MET: variants seen among roughly 807,000 people sequenced by gnomAD.
MET encodes the protein hepatocyte growth factor receptor.
A neutral mutation model predicts 133.1 loss-of-function variants in MET; 48 were observed. That is an observed-to-expected ratio of 0.36 (90% CI 0.29 to 0.46). MET has a LOEUF of 0.46. MET is among the 20% of genes least tolerant of loss of function. MET has a pLI of 1.00. For synonymous variants in MET, 628 were observed against 616.5 expected (o/e 1.02, Z -0.28); for missense variants, 1,442 against 1,695.9 (o/e 0.85, Z 2.63).
intron 1 of MET, among the ~76,000 whole-genome samples, chr7:116,694,901 G>A (rs1796909078): frequency 6.6e-6 from 1 of 152,006 alleles, no homozygotes; most frequent in African/African-American, 2.4e-5. Flanking sequence ...TGGCCAGGAT[G>A]GTTGTGATCT....
At chr7:116,778,228 G>A (rs1370520372) in intron 16 of MET, among the ~76,000 whole-genome samples, 1 of 152,168 alleles carries the variant, frequency 6.6e-6, no homozygotes, top group Admixed American at 6.5e-5. Context: ...TGTGTTGACA[G>A]GTCTCACATG....
intron 3 of MET, among the ~76,000 whole-genome samples, chr7:116,734,310 C>A (rs1793132456): frequency 6.6e-6 from 1 of 152,208 alleles, no homozygotes; most frequent in Non-Finnish European, 1.5e-5. Flanking sequence ...AGCCTAATGG[C>A]AAAGTTGCTT....
intron 10 of MET, among the ~76,000 whole-genome samples, chr7:116,760,026 C>G (rs1160652485): frequency 6.6e-6 from 1 of 152,212 alleles, no homozygotes; most frequent in Non-Finnish European, 1.5e-5. Context: ...ATCTGCCCAC[C>G]TCGGCCTCCC....
At chr7:116,741,180 C>A in intron 5 of MET, 155 bp downstream of exon 5, 1 of 843,702 alleles carries the variant, frequency 1.2e-6, no homozygotes, top group Non-Finnish European at 1.8e-6. Context: ...GAGTCATCAG[C>A]TAAAGCACCA....
In MET at chr7:116,783,478, T is replaced by C. The variant is rs781051400; in HGVS notation, c.3798+9T>C. 3.7e-6 allele frequency: 6 copies of C among 1,614,094 alleles called. No individual in the cohort carries two copies. The South Asian group carries it at 6.6e-5, about 18-fold the overall frequency. On this transcript the variant is annotated intron_variant, in intron 19 of 20. Coordinates refer to ENST00000397752, the MANE Select transcript of MET (RefSeq NM_000245.4). ...CCACCAAGTCAGATGTGGTAATGTA[T>C]TGGTTATCTCTGAGTTTCTCCTCTT...
chr7:116,714,778 G>A (rs937055013), intron 2 of MET, among the ~76,000 whole-genome samples: 3 of 120,906 alleles, frequency 2.5e-5, no homozygotes, highest in Non-Finnish European at 5.5e-5. Flanking sequence ...CACACACACA[G>A]GCCACAGGGA....
intron 19 of MET, among the ~76,000 whole-genome samples, chr7:116,793,987 T>G (rs969417141): frequency 6.6e-6 from 1 of 152,026 alleles, no homozygotes; most frequent in Non-Finnish European, 1.5e-5. Flanking sequence ...TGCCCTCATA[T>G]TACCTGCACC....
chr7:116,769,917 A>G (rs1794778844), intron 12 of MET, 126 bp downstream of exon 12: 1 of 1,312,970 alleles, frequency 7.6e-7, no homozygotes, highest in Non-Finnish European at 1.1e-6. Flanking sequence ...CTCAGCCTGC[A>G]TTCCTAGTTG....
At chr7:116,714,625 CA>C (rs763805848) in intron 2 of MET, among the ~76,000 whole-genome samples, 75 of 152,126 alleles carry the variant, frequency 4.9e-4, no homozygotes, top group Non-Finnish European at 9.3e-4. Context: ...AGGCTAGACC[CA>C]AGGTAGAAGC....
intron 19 of MET, among the ~76,000 whole-genome samples, chr7:116,787,462 G>A: frequency 6.6e-6 from 1 of 152,190 alleles, no homozygotes; most frequent in Admixed American, 6.5e-5. Flanking sequence ...CCAAGATCAA[G>A]GGGCCACATG....
At chr7:116,688,167 A>C (rs1178659147) in intron 1 of MET, among the ~76,000 whole-genome samples, 1 of 152,000 alleles carries the variant, frequency 6.6e-6, no homozygotes, top group Non-Finnish European at 1.5e-5. Context: ...CATTCTGACT[A>C]TTCAGTCGGT....
intron 2 of MET, among the ~76,000 whole-genome samples, chr7:116,727,083 TA>T (rs1792822160): frequency 6.6e-6 from 1 of 152,180 alleles, no homozygotes; most frequent in Admixed American, 6.5e-5. Context: ...CAAGGAGAGC[TA>T]GGTTTGAGAG....
intron 19 of MET, among the ~76,000 whole-genome samples, chr7:116,790,572 T>C (rs925519668): frequency 1.3e-5 from 2 of 152,250 alleles, no homozygotes; most frequent in African/African-American, 4.8e-5. Context: ...GCAGTGGCCA[T>C]GGATGTAAAA....
At chr7:116,790,736 T>A (rs549552612) in intron 19 of MET, among the ~76,000 whole-genome samples, 1 of 152,336 alleles carries the variant, frequency 6.6e-6, no homozygotes, top group Admixed American at 6.5e-5. Flanking sequence ...TTGAGTAGTA[T>A]TCCATCGTAC....
At chr7:116,789,725 G>T (rs1468784627) in intron 19 of MET, among the ~76,000 whole-genome samples, 2 of 152,144 alleles carry the variant, frequency 1.3e-5, no homozygotes, top group African/African-American at 2.4e-5. Flanking sequence ...CATCCATGTT[G>T]TCGTATCAGT....
chr7:116,772,303 A>G (rs1182270418), intron 14 of MET, among the ~76,000 whole-genome samples: 1 of 152,220 alleles, frequency 6.6e-6, no homozygotes, highest in Non-Finnish European at 1.5e-5. Flanking sequence ...ATCCAGGAAG[A>G]GTTAAGTTAC....
At chr7:116,784,884 C>A (rs113806645) in intron 19 of MET, among the ~76,000 whole-genome samples, 2,252 of 152,198 alleles carry the variant, frequency 0.015, 30 homozygotes, top group Non-Finnish European at 0.02. Context: ...TCCCTTCTGC[C>A]TATGAGCCTG....
At chr7:116,695,922 AC>A in intron 1 of MET, 1 of 229,158 alleles carries the variant, frequency 4.4e-6, no homozygotes. Context: ...CATAACCTGT[AC>A]CCCCAGTGGC....
intron 5 of MET, among the ~76,000 whole-genome samples, chr7:116,749,391 T>G (rs1793829152): frequency 6.6e-6 from 1 of 152,188 alleles, no homozygotes; most frequent in African/African-American, 2.4e-5. Flanking sequence ...AGAAAAGGCC[T>G]TCGATAAAAT....
Sources: gnomAD v4.1 joint callset for allele counts (sites outside exome capture counted in the v4.1 genomes callset) on GRCh38, gnomAD v4.1.1 for gene constraint, MANE v1.5 for transcripts, NCBI Gene and HGNC (gene_info 2026-07-23, HGNC 2026-07-21) for gene names.